The following NIPSNAP1 variants were observed in gnomAD, a reference collection of about 807,000 sequenced individuals.
The protein encoded by NIPSNAP1 is nipsnap homolog 1.
A neutral mutation model predicts 49.2 loss-of-function variants in NIPSNAP1; 25 were observed. The observed-to-expected ratio is 0.51, with a 90% confidence interval of 0.37 to 0.71. The LOEUF (loss-of-function observed/expected upper bound fraction) is 0.71, where lower values mean the gene tolerates loss of function less well. NIPSNAP1 is among the 30% of genes least tolerant of loss of function. NIPSNAP1 has a pLI of 0.00. For missense variants in NIPSNAP1, 294 were observed against 361.0 expected (o/e 0.81, Z 1.50); for synonymous variants, 143 against 140.7 (o/e 1.02, Z -0.12).
chr22:29,558,362 G>A (rs546594704), intron 9 of NIPSNAP1, among the ~76,000 whole-genome samples: 2 of 152,120 alleles, frequency 1.3e-5, no homozygotes, highest in African/African-American at 4.8e-5. Flanking sequence ...CCAGCTACTC[G>A]GGAGGCTGAG....
At chr22:29,569,055 G>C in intron 4 of NIPSNAP1, 138 bp downstream of exon 4, 1 of 718,500 alleles carries the variant, frequency 1.4e-6, no homozygotes, top group South Asian at 1.5e-5. Context: ...ATTTGAGCAG[G>C]GGAGTGAGGT....
Position 29,570,191 on chromosome 22 carries a change from A to G in NIPSNAP1, c.243T>C (p.Pro81=). ...LYKIQFHNVK[P]EYLDAYNSLT... is the part of the protein sequence containing the mutation. ...GGCTGTTGTAGGCATCCAGGTATTCAGGCTTTACATTGTGAACTGCAACAG... is the reference window on the plus strand; with the variant it reads ...GGCTGTTGTAGGCATCCAGGTATTCGGGCTTTACATTGTGAACTGCAACAG... Residue 81 remains proline, a synonymous_variant, in exon 3 of 10, where the codon CCT becomes CCC. Transcript: ENST00000216121. 1 of 1,613,962 alleles carries G rather than the reference A, an allele frequency of 6.2e-7. No individual in the cohort carries two copies. The highest frequency in any genetic ancestry group is 8.5e-7 in the Non-Finnish European group (1 of 1,179,972).
At chr22:29,563,656 T>C (rs1474008451) in intron 4 of NIPSNAP1, among the ~76,000 whole-genome samples, 1 of 152,038 alleles carries the variant, frequency 6.6e-6, no homozygotes, top group East Asian at 1.9e-4. Context: ...TAGGTCTCTG[T>C]GGGTATAATC....
At chr22:29,561,460 A>C in intron 6 of NIPSNAP1, 46 bp downstream of exon 6, 1 of 1,613,052 alleles carries the variant, frequency 6.2e-7, no homozygotes, top group South Asian at 1.1e-5. Flanking sequence ...GCAGCATTGC[A>C]GCAGGGAAAT....
At chr22:29,580,940 C>T in intron 1 of NIPSNAP1, 45 bp downstream of exon 1, 1 of 1,449,302 alleles carries the variant, frequency 6.9e-7, no homozygotes, top group South Asian at 1.3e-5. Flanking sequence ...CCCGCGCCTG[C>T]ACCCCACCCC....
intron 8 of NIPSNAP1, 30 bp from the exon 9 acceptor site, chr22:29,558,983 G>GT: frequency 3.9e-6 from 6 of 1,547,236 alleles, no homozygotes; most frequent in Non-Finnish European, 5.3e-6. Flanking sequence ...TCATTCCTCA[G>GT]GCACAGAGGA....
chr22:29,569,103 T>C, intron 4 of NIPSNAP1, 90 bp downstream of exon 4: 2 of 978,954 alleles, frequency 2.0e-6, no homozygotes, highest in Non-Finnish European at 3.2e-6. Context: ...GGTGCTGTTG[T>C]GGAGAGGGAG....
intron 1 of NIPSNAP1, among the ~76,000 whole-genome samples, chr22:29,578,073 T>C (rs1168506297): frequency 1.3e-5 from 2 of 150,916 alleles, no homozygotes; most frequent in African/African-American, 5.0e-5. Context: ...AATTTTTGTA[T>C]TTTTAATAAA....
chr22:29,562,827 C>T (rs890133985), intron 4 of NIPSNAP1, among the ~76,000 whole-genome samples: 6 of 151,640 alleles, frequency 4.0e-5, no homozygotes, highest in African/African-American at 1.2e-4. Flanking sequence ...GGGCCGGGCA[C>T]GGTGGCTCAC....
rs2064388516 is a variant in NIPSNAP1, at chr22:29,569,177, G to A, written c.367+16C>T. ...GCTGGGCAGTGGCAATGGCACTAGG[G>A]AGGTGAGCGCCTTACCTGCCTGGTC... On this transcript the variant is annotated intron_variant, in intron 4 of 9. Transcript: ENST00000216121. 2.5e-6 allele frequency: 4 copies of A among 1,610,092 alleles called. No individual in the cohort carries two copies. The East Asian group carries it at 8.9e-5, about 36-fold the overall frequency.
At chr22:29,580,015 T>C (rs1187083587) in intron 1 of NIPSNAP1, 32 of 1,169,284 alleles carry the variant, frequency 2.7e-5, no homozygotes, top group Non-Finnish European at 2.4e-5. Context: ...ATCAGAACTT[T>C]GCAGCTTCAT....
chr22:29,580,974 C>T lies in NIPSNAP1; in HGVS notation c.98+11G>A. 1 of 1,528,282 alleles carries T rather than the reference C, an allele frequency of 6.5e-7. No individual in the cohort carries two copies. Among genetic ancestry groups the T allele is most frequent in the Non-Finnish European group, 8.7e-7 (1 of 1,143,168 alleles). 94.7% of individuals were successfully genotyped at this position (1,528,282 alleles called of 1,614,324 possible). A position where few individuals can be genotyped will look rare whatever the true frequency, so the allele number is the denominator to read the frequency against. The stretch of plus-strand genomic sequence containing the variant: ...CCGCGCGCGTCTATCCCTGCCTGGC[C>T]GGGCTCTCACCGCGCCGCAGCTGCA... On this transcript the variant is annotated intron_variant, in intron 1 of 9. Transcript: ENST00000216121.
At chr22:29,565,916 C>T (rs16987811) in intron 4 of NIPSNAP1, among the ~76,000 whole-genome samples, 3,354 of 152,290 alleles carry the variant, frequency 0.022, 139 homozygotes, top group African/African-American at 0.076. Flanking sequence ...AGATTATTTT[C>T]AAAGACACGA....
chr22:29,570,091 T>C, intron 3 of NIPSNAP1, 71 bp downstream of exon 3: 1 of 1,246,450 alleles, frequency 8.0e-7, no homozygotes, highest in Non-Finnish European at 1.2e-6. Context: ...GTGGAGGATG[T>C]TCCGCAAATT....
intron 7 of NIPSNAP1, 21 bp from the exon 8 acceptor site, chr22:29,560,849 TG>T: frequency 6.2e-7 from 1 of 1,609,194 alleles, no homozygotes; most frequent in Non-Finnish European, 8.5e-7. Context: ...CACAATAATA[TG>T]GGGCAGAAGC....
At chr22:29,578,798 A>C (rs894885378) in intron 1 of NIPSNAP1, among the ~76,000 whole-genome samples, 1 of 151,180 alleles carries the variant, frequency 6.6e-6, no homozygotes, top group Non-Finnish European at 1.5e-5. Context: ...AGGGTCACTG[A>C]GTGAGGGGCA....
rs2064316176 is a variant in NIPSNAP1, at chr22:29,559,099, T to A, written c.707-146A>T. The A allele has an allele frequency of 4.3e-6, 3 of 703,758 alleles. No homozygotes were observed. In the Admixed American group the frequency reaches 6.0e-5, roughly 14 times the overall value. The allele number at this position is 703,758 out of a possible 1,614,324, so 43.6% of individuals were successfully genotyped here. On this transcript the variant is annotated intron_variant, in intron 8 of 9. Coordinates refer to ENST00000216121, the MANE Select transcript of NIPSNAP1 (RefSeq NM_003634.4). ...TCCCTCAGACTATTAGCAAACACTG[T>A]CTGCTTTAATCATCCATCCAATCAG... is the stretch of plus-strand genomic sequence containing the variant.
chr22:29,556,746 T>C (rs1469928478), intron 9 of NIPSNAP1, among the ~76,000 whole-genome samples: 2 of 152,180 alleles, frequency 1.3e-5, no homozygotes, highest in African/African-American at 4.8e-5. Flanking sequence ...CGATTTGTTA[T>C]TCTTGTTTGT....
intron 4 of NIPSNAP1, among the ~76,000 whole-genome samples, chr22:29,562,796 G>C (rs897596427): frequency 1.3e-5 from 2 of 151,918 alleles, no homozygotes; most frequent in Admixed American, 6.6e-5. Flanking sequence ...TCTTTGTACT[G>C]TTAGAATTTA....
Sources: gnomAD v4.1 joint callset for allele counts (sites outside exome capture counted in the v4.1 genomes callset) on GRCh38, gnomAD v4.1.1 for gene constraint, MANE v1.5 for transcripts, NCBI Gene and HGNC (gene_info 2026-07-23, HGNC 2026-07-21) for gene names.